The following RYR2 variants were observed in gnomAD, a reference collection of about 807,000 sequenced individuals.
RYR2 encodes the protein cardiac muscle ryanodine receptor-calcium release channel.
In RYR2, 227 loss-of-function variants were observed where a neutral mutation model predicts 601.1. That is an observed-to-expected ratio of 0.38 (90% CI 0.34 to 0.42). The LOEUF (loss-of-function observed/expected upper bound fraction) is 0.42, where lower values mean the gene tolerates loss of function less well. RYR2 is among the 10% of genes least tolerant of loss of function. The pLI is 1.00. For synonymous variants in RYR2, 2,223 were observed against 2,175.1 expected (o/e 1.02, Z -0.61); for missense variants, 4,646 against 6,156.5 (o/e 0.75, Z 8.21).
intron 1 of RYR2, among the ~76,000 whole-genome samples, chr1:237,092,154 C>T (rs1479651103): frequency 3.9e-5 from 6 of 152,144 alleles, no homozygotes; most frequent in Non-Finnish European, 8.8e-5. Context: ...AAAGATCTAC[C>T]ATAAGGATGC....
At chr1:237,824,428 A>C (rs1485978178) in intron 101 of RYR2, among the ~76,000 whole-genome samples, 1 of 152,194 alleles carries the variant, frequency 6.6e-6, no homozygotes, top group Non-Finnish European at 1.5e-5. Flanking sequence ...GACAAAAACC[A>C]CATGATTATC....
intron 1 of RYR2, among the ~76,000 whole-genome samples, chr1:237,131,506 C>T (rs1019890491): frequency 3.3e-5 from 5 of 151,664 alleles, no homozygotes; most frequent in Admixed American, 6.6e-5. Context: ...TGGACAGGGC[C>T]GTTAAAAATA....
intron 101 of RYR2, among the ~76,000 whole-genome samples, chr1:237,827,903 C>G (rs1478668455): frequency 1.6e-5 from 2 of 126,430 alleles, no homozygotes; most frequent in South Asian, 2.6e-4. Context: ...TGCCACTGCA[C>G]TCCAGCCTGG....
At chr1:237,498,007 C>CT (rs1372254148) in intron 20 of RYR2, among the ~76,000 whole-genome samples, 1 of 151,882 alleles carries the variant, frequency 6.6e-6, no homozygotes, top group Non-Finnish European at 1.5e-5. Flanking sequence ...GACTAACAGG[C>CT]TTGCACCACC....
intron 87 of RYR2, among the ~76,000 whole-genome samples, chr1:237,774,142 T>G (rs1190087717): frequency 6.6e-6 from 1 of 152,226 alleles, no homozygotes; most frequent in Non-Finnish European, 1.5e-5. Context: ...CTTCTAGCCT[T>G]AACTTCAGAT....
intron 84 of RYR2, among the ~76,000 whole-genome samples, chr1:237,764,997 T>C (rs1258121957): frequency 6.6e-6 from 1 of 152,104 alleles, no homozygotes; most frequent in Non-Finnish European, 1.5e-5. Context: ...GTCTCCTTTT[T>C]ATACTAAGTT....
At chr1:237,726,214 A>G (rs1690181455) in intron 74 of RYR2, 59 bp from the exon 75 acceptor site, 1 of 1,133,674 alleles carries the variant, frequency 8.8e-7, no homozygotes, top group South Asian at 1.4e-5. Context: ...TCTTTACTGC[A>G]AAGGATAATA....
At chr1:237,450,686 G>C (rs10925421) in intron 14 of RYR2, among the ~76,000 whole-genome samples, 64,007 of 151,926 alleles carry the variant, frequency 0.42, 14,123 homozygotes, top group East Asian at 0.57. Context: ...AGCCTAGAAC[G>C]TCTTTGCTAA....
chr1:237,057,278 C>T (rs1391368191), intron 1 of RYR2, among the ~76,000 whole-genome samples: 4 of 152,196 alleles, frequency 2.6e-5, no homozygotes, highest in East Asian at 1.9e-4. Context: ...CTCCACCTCC[C>T]GGGTTCAAGC....
chr1:237,356,314 A>G (rs1023201990), intron 4 of RYR2, among the ~76,000 whole-genome samples: 1 of 152,058 alleles, frequency 6.6e-6, no homozygotes, highest in Non-Finnish European at 1.5e-5. Context: ...GCAAAAAAAA[A>G]CAAAAAACAA....
chr1:237,332,890 C>T (rs890324823), intron 3 of RYR2, among the ~76,000 whole-genome samples: 9 of 151,562 alleles, frequency 5.9e-5, no homozygotes, highest in Non-Finnish European at 1.2e-4. Flanking sequence ...CTATATGGCC[C>T]AGGCTGGTCT....
rs750172734 is a variant in RYR2 at position 237,503,522 on chromosome 1, G to A, written c.2613+17G>A. On this transcript the variant is annotated intron_variant, in intron 22 of 104. Transcript: ENST00000366574. The stretch of plus-strand genomic sequence containing the variant: ...ACCAGCCAGGTACCAAGATCCACTC[G>A]AATGGCAATCACTGGTATTGCAGTC... The A allele has an allele frequency of 3.1e-6, 5 of 1,611,462 alleles. No individual in the cohort carries two copies. Among genetic ancestry groups the A allele is most frequent in the Non-Finnish European group, 4.2e-6 (5 of 1,177,908 alleles).
intron 10 of RYR2, among the ~76,000 whole-genome samples, chr1:237,405,314 C>T (rs2149961218): frequency 6.6e-6 from 1 of 152,284 alleles, no homozygotes; most frequent in Middle Eastern, 3.4e-3. Flanking sequence ...ATAAGATTGC[C>T]AAGGGCAGTG....
At chr1:237,200,055 G>C (rs1017561926) in intron 1 of RYR2, among the ~76,000 whole-genome samples, 2 of 152,068 alleles carry the variant, frequency 1.3e-5, no homozygotes, top group Non-Finnish European at 2.9e-5. Context: ...GTATGAGATA[G>C]GTCTGTTACT....
chr1:237,510,449 G>A (rs1424946294), intron 23 of RYR2, among the ~76,000 whole-genome samples: 5 of 152,270 alleles, frequency 3.3e-5, no homozygotes, highest in East Asian at 1.9e-4. Flanking sequence ...CGTTTGTAGG[G>A]TTAGAGATTT....
intron 48 of RYR2, among the ~76,000 whole-genome samples, chr1:237,644,758 G>A (rs570695387): frequency 5.9e-5 from 9 of 152,090 alleles, no homozygotes; most frequent in South Asian, 4.2e-4. Flanking sequence ...GGGGCCAGGC[G>A]TAGTGGCTCA....
intron 27 of RYR2, among the ~76,000 whole-genome samples, chr1:237,551,597 C>T (rs2779384): frequency 0.9 from 134,976 of 150,554 alleles, 61,450 homozygotes; most frequent in East Asian, 0.97. Flanking sequence ...CTCCTGCAGT[C>T]TGAGTTAGTT....
chr1:237,478,803 C>T (rs899519097), intron 17 of RYR2, among the ~76,000 whole-genome samples: 2 of 152,070 alleles, frequency 1.3e-5, no homozygotes, highest in Non-Finnish European at 1.5e-5. Flanking sequence ...CCCCTACCCT[C>T]GCTTACCATC....
Position 237,178,465 on chromosome 1 carries a change from TG to T in RYR2, c.49-92031del, listed in dbSNP as rs1303492758. 7.2e-3 allele frequency among the ~76,000 whole-genome samples: 875 copies of T among 122,138 alleles called. 8 individuals are homozygous for T. Among genetic ancestry groups the T allele is most frequent in the African/African-American group, 0.025 (832 of 33,578 alleles). The allele number at this position is 122,138 out of a possible 152,430, so 80.1% of individuals were successfully genotyped here. A position where few individuals can be genotyped will look rare whatever the true frequency, so the allele number is the denominator to read the frequency against. On this transcript the variant is annotated intron_variant, in intron 1 of 104. Transcript: ENST00000366574. ...GTGTGTGTGTGTGTGTGTGTGTGTG[TG>T]TGTTTAAAAGAGATCCCTCTGTCTT...
Sources: allele counts gnomAD v4.1 joint callset (sites outside exome capture counted in the v4.1 genomes callset), GRCh38; gene constraint gnomAD v4.1.1; transcripts MANE v1.5; gene names NCBI Gene and HGNC (gene_info 2026-07-23, HGNC 2026-07-21).